The following NTRK2 variants were observed in gnomAD, a reference collection of about 807,000 sequenced individuals.
NTRK2 encodes neurotrophic receptor tyrosine kinase 2.
A neutral mutation model predicts 94.5 loss-of-function variants in NTRK2; 13 were observed. That is an observed-to-expected ratio of 0.14 (90% CI 0.09 to 0.22). The LOEUF (loss-of-function observed/expected upper bound fraction) is 0.22, where lower values mean the gene tolerates loss of function less well. Ranked by LOEUF, NTRK2 falls within the 10% of genes least tolerant of loss-of-function variation. NTRK2 has a pLI of 1.00. For synonymous variants in NTRK2, 372 were observed against 407.4 expected (o/e 0.91, Z 1.05); for missense variants, 639 against 1,071.2 (o/e 0.60, Z 5.63).
intron 14 of NTRK2, among the ~76,000 whole-genome samples, chr9:84,894,185 A>AGGGG (rs1291296307): frequency 0.76 from 111,719 of 146,526 alleles, 42,639 homozygotes; most frequent in Non-Finnish European, 0.83. Flanking sequence ...TTTTTATAAC[A>AGGGG]CATTGAATAG....
In NTRK2 at chr9:85,025,530, G is replaced by A. The variant is rs552485287; in HGVS notation, c.*4093G>A. ...TATAGAATGCTGTCCTTTTCAAAGC[G>A]TCCTAACAGCAGGATTACCTGGTCA... On this transcript the variant is annotated 3_prime_UTR_variant, in exon 19 of 19. Coordinates refer to ENST00000277120, the MANE Select transcript of NTRK2 (RefSeq NM_006180.6). 4.4e-4 allele frequency: 103 copies of A among 233,050 alleles called. No homozygotes were observed. The highest frequency in any genetic ancestry group is 8.4e-4 in the Admixed American group (15 of 17,776). 14.4% of individuals were successfully genotyped at this position (233,050 alleles called of 1,614,324 possible).
chr9:84,902,348 C>T lies in NTRK2; in HGVS notation c.1634-31814C>T, dbSNP rs112649075. ...TTCTTTTTTGAAAGCCTCCAAGAGTCCCCATGCATGCTGTAAGAATGTGAG... is the reference window on the plus strand; with the variant it reads ...TTCTTTTTTGAAAGCCTCCAAGAGTTCCCATGCATGCTGTAAGAATGTGAG... On this transcript the variant is annotated intron_variant, in intron 14 of 18. Coordinates refer to ENST00000277120, the MANE Select transcript of NTRK2 (RefSeq NM_006180.6). 1.8e-3 allele frequency among the ~76,000 whole-genome samples: 276 copies of T among 152,166 alleles called. 1 individual carries two copies. Among genetic ancestry groups the T allele is most frequent in the African/African-American group, 6.4e-3 (267 of 41,538 alleles).
chr9:84,925,031 C>T (rs980695721), intron 14 of NTRK2, among the ~76,000 whole-genome samples: 6 of 152,134 alleles, frequency 3.9e-5, no homozygotes, highest in African/African-American at 1.4e-4. Context: ...CCACTTGCTC[C>T]TTCGGTGCCC....
In NTRK2 at chr9:84,687,469, A is replaced by G. The variant is rs139978207; in HGVS notation, c.213-14690A>G. Among the ~76,000 whole-genome samples, 318 of 152,282 alleles carry G rather than the reference A, an allele frequency of 2.1e-3. 2 individuals are homozygous for G. The highest frequency in any genetic ancestry group is 7.4e-3 in the African/African-American group (306 of 41,550). On this transcript the variant is annotated intron_variant, in intron 2 of 18. Transcript: ENST00000277120. ...ATTGCGGAGGAATTGCTTTCCCACC[A>G]ATAAAAAGTGTCTTCTGGAGCTTAA...
chr9:84,982,994 T>C (rs1025558487), intron 17 of NTRK2, among the ~76,000 whole-genome samples: 1 of 152,124 alleles, frequency 6.6e-6, no homozygotes, highest in African/African-American at 2.4e-5. Context: ...GTGACTTTTG[T>C]TGGGCAAATC....
At chr9:84,828,581 A>G (rs2073334090) in intron 12 of NTRK2, among the ~76,000 whole-genome samples, 1 of 152,176 alleles carries the variant, frequency 6.6e-6, no homozygotes, top group Non-Finnish European at 1.5e-5. Context: ...TAGTACAACA[A>G]CACAACAAAG....
intron 13 of NTRK2, among the ~76,000 whole-genome samples, chr9:84,864,739 T>TC (rs1232745691): frequency 3.4e-4 from 45 of 131,126 alleles, no homozygotes; most frequent in Admixed American, 2.0e-3. Flanking sequence ...TAATTTTCTT[T>TC]TTTTTTTTTT....
chr9:84,995,990 A>G (rs556172988), intron 17 of NTRK2, among the ~76,000 whole-genome samples: 1 of 152,368 alleles, frequency 6.6e-6, no homozygotes, highest in Admixed American at 6.5e-5. Context: ...CAGATCTCTA[A>G]AAGGAAAATA....
At chr9:84,759,131 G>A (rs2065324253) in intron 12 of NTRK2, among the ~76,000 whole-genome samples, 1 of 152,208 alleles carries the variant, frequency 6.6e-6, no homozygotes, top group South Asian at 2.1e-4. Context: ...ATTGAGTAAG[G>A]TAACAAAATG....
chr9:84,750,251 G>A (rs1035583997), intron 11 of NTRK2, among the ~76,000 whole-genome samples: 2 of 151,738 alleles, frequency 1.3e-5, no homozygotes, highest in African/African-American at 2.4e-5. Flanking sequence ...GTGTCCCCTG[G>A]ATGGCAATAT....
At chr9:84,875,829 T>A in intron 14 of NTRK2, 1 of 1,045,036 alleles carries the variant, frequency 9.6e-7, no homozygotes, top group Non-Finnish European at 1.2e-6. Context: ...CAAGGAGGCC[T>A]CTATCAATAG....
At chr9:84,744,332 A>G (rs2132359951) in intron 10 of NTRK2, among the ~76,000 whole-genome samples, 1 of 151,480 alleles carries the variant, frequency 6.6e-6, no homozygotes, top group South Asian at 2.2e-4. Flanking sequence ...CTACCTTTTA[A>G]TCATTCTGAA....
chr9:84,943,972 A>T (rs937497614), intron 15 of NTRK2, among the ~76,000 whole-genome samples: 1 of 152,074 alleles, frequency 6.6e-6, no homozygotes, highest in African/African-American at 2.4e-5. Flanking sequence ...AAGACCCAAC[A>T]TGCAAAAATG....
At chr9:84,835,635 G>T (rs1161628481) in intron 12 of NTRK2, among the ~76,000 whole-genome samples, 1 of 152,144 alleles carries the variant, frequency 6.6e-6, no homozygotes, top group Non-Finnish European at 1.5e-5. Flanking sequence ...TCTTTGTAAT[G>T]GTCAGGTTGT....
At chr9:84,864,346 CT>C (rs1438347080) in intron 13 of NTRK2, among the ~76,000 whole-genome samples, 1 of 151,614 alleles carries the variant, frequency 6.6e-6, no homozygotes, top group Non-Finnish European at 1.5e-5. Context: ...ACTTCCGGGA[CT>C]GTGGGGAAAG....
chr9:84,990,919 G>T (rs1004326545), intron 17 of NTRK2, among the ~76,000 whole-genome samples: 2 of 151,838 alleles, frequency 1.3e-5, no homozygotes, highest in African/African-American at 4.8e-5. Context: ...ACTGTCAATT[G>T]CATTTTTGTC....
chr9:84,957,482 T>A (rs1233287933), intron 17 of NTRK2, among the ~76,000 whole-genome samples: 2 of 152,174 alleles, frequency 1.3e-5, no homozygotes, highest in Non-Finnish European at 2.9e-5. Flanking sequence ...AACATCCACA[T>A]GGTCAATAAG....
rs1349303529 is a variant in NTRK2, at chr9:84,870,331, G to GTGTATATATA, written c.1633+2901_1633+2902insGTATATATAT. ...ATACATATATGTGGGGTGTGTGTGT[G>GTGTATATATA]TATATATATATATATATATATATAT... is the stretch of plus-strand genomic sequence containing the variant. On this transcript the variant is annotated intron_variant, in intron 14 of 18. Coordinates refer to ENST00000277120, the MANE Select transcript of NTRK2 (RefSeq NM_006180.6). Among the ~76,000 whole-genome samples, 38 of 31,172 alleles carry GTGTATATATA rather than the reference G, an allele frequency of 1.2e-3. 2 individuals carry two copies. Among genetic ancestry groups the GTGTATATATA allele is most frequent in the East Asian group, 5.6e-3 (5 of 894 alleles). 20.5% of individuals were successfully genotyped at this position (31,172 alleles called of 152,430 possible).
At position 84,692,995 on chromosome 9, in the gene NTRK2, C is replaced by T. The variant is rs577557297; in HGVS notation, c.213-9164C>T. ...GATGGAACCAATTGGAAATGTGCTC[C>T]GAACAACCCAGGGGCAGCACAGCTC... On this transcript the variant is annotated intron_variant, in intron 2 of 18. Coordinates refer to ENST00000277120, the MANE Select transcript of NTRK2 (RefSeq NM_006180.6). Among the ~76,000 whole-genome samples the T allele has an allele frequency of 8.5e-5, 13 of 152,242 alleles. No individual in the cohort carries two copies. The East Asian group carries it at 1.2e-3, about 14-fold the overall frequency.
Sources: allele counts gnomAD v4.1 joint callset (sites outside exome capture counted in the v4.1 genomes callset), GRCh38; gene constraint gnomAD v4.1.1; transcripts MANE v1.5; gene names NCBI Gene and HGNC (gene_info 2026-07-23, HGNC 2026-07-21).